TEX9: variants seen among roughly 807,000 people sequenced by gnomAD.
TEX9 encodes testis-expressed protein 9.
TEX9 carries 74 observed loss-of-function variants against 59.6 expected under a neutral mutation model. That is an observed-to-expected ratio of 1.24 (90% CI 1.03 to 1.51). TEX9 has a LOEUF of 1.51. Ranked by LOEUF, TEX9 falls within the 40% of genes most tolerant of loss-of-function variation. The pLI is 0.00. For synonymous variants in TEX9, 186 were observed against 152.2 expected, an observed-to-expected ratio of 1.22 and a Z score of -1.64; for missense variants, 522 against 447.8, an observed-to-expected ratio of 1.17 and a Z score of -1.49.
At chr15:56,341,397 T>C (rs1214600994) in intron 1 of TEX9, among the ~76,000 whole-genome samples, 5 of 152,196 alleles carry the variant, frequency 3.3e-5, no homozygotes, top group Non-Finnish European at 7.3e-5. Flanking sequence ...CTTTAACGTA[T>C]CTTGAATTAT....
intron 1 of TEX9, among the ~76,000 whole-genome samples, chr15:56,331,281 G>C (rs1027675656): frequency 3.3e-5 from 5 of 152,172 alleles, no homozygotes; most frequent in Admixed American, 6.5e-5. Flanking sequence ...ATCAGACTTA[G>C]TCTGCACTGT....
intron 1 of TEX9, among the ~76,000 whole-genome samples, chr15:56,286,830 G>T (rs1463590578): frequency 6.6e-6 from 1 of 151,994 alleles, no homozygotes; most frequent in Non-Finnish European, 1.5e-5. Context: ...TCCCCAAGTT[G>T]CATCCAAGTG....
intron 12 of TEX9, among the ~76,000 whole-genome samples, chr15:56,442,704 CAAA>C (rs1341639483): frequency 6.6e-6 from 1 of 151,990 alleles, no homozygotes; most frequent in Non-Finnish European, 1.5e-5. Flanking sequence ...CACGTGGACA[CAAA>C]GAAGGAAAAC....
chr15:56,412,015 G>A (rs1237627759), intron 9 of TEX9, among the ~76,000 whole-genome samples: 1 of 152,132 alleles, frequency 6.6e-6, no homozygotes, highest in African/African-American at 2.4e-5. Context: ...CAGGTATACT[G>A]TGTCTTGAGT....
At chr15:56,261,491 G>T (rs1049267269) in intron 1 of TEX9, among the ~76,000 whole-genome samples, 9 of 152,094 alleles carry the variant, frequency 5.9e-5, no homozygotes, top group African/African-American at 1.9e-4. Context: ...GTCAAGGCAG[G>T]TGGATCACTT....
intron 1 of TEX9, among the ~76,000 whole-genome samples, chr15:56,339,278 G>C (rs1433146620): frequency 6.7e-6 from 1 of 150,220 alleles, no homozygotes; most frequent in African/African-American, 2.5e-5. Flanking sequence ...AGCTACTCAG[G>C]AGGCTGAGGC....
At chr15:56,367,917 C>A (rs1377954162) in intron 2 of TEX9, among the ~76,000 whole-genome samples, 1 of 152,140 alleles carries the variant, frequency 6.6e-6, no homozygotes, top group Non-Finnish European at 1.5e-5. Flanking sequence ...CTTATTCATT[C>A]TGTGAATTCC....
chr15:56,303,361 A>T (rs552741793), intron 1 of TEX9, among the ~76,000 whole-genome samples: 11 of 152,184 alleles, frequency 7.2e-5, no homozygotes, highest in Non-Finnish European at 1.5e-4. Flanking sequence ...CAAGTATCTG[A>T]CCACAATAGA....
intron 2 of TEX9, chr15:56,365,948 G>T: frequency 8.2e-7 from 1 of 1,219,428 alleles, no homozygotes. Flanking sequence ...AGATACTGTT[G>T]GAAGTTATTT....
chr15:56,378,606 C>G (rs2142095227), intron 3 of TEX9, among the ~76,000 whole-genome samples: 1 of 151,834 alleles, frequency 6.6e-6, no homozygotes. Context: ...TTTGGGTCAT[C>G]TCCCTTATTT....
chr15:56,289,695 T>C (rs2045042962), intron 1 of TEX9, among the ~76,000 whole-genome samples: 1 of 152,080 alleles, frequency 6.6e-6, no homozygotes, highest in Non-Finnish European at 1.5e-5. Flanking sequence ...TCACTTGCAG[T>C]GGCAGTGGCA....
At chr15:56,251,351 G>T (rs1458887552) in intron 1 of TEX9, among the ~76,000 whole-genome samples, 1 of 152,114 alleles carries the variant, frequency 6.6e-6, no homozygotes, top group African/African-American at 2.4e-5. Flanking sequence ...TGGCTCTGTT[G>T]ATGTAAGCTT....
chr15:56,292,851 A>G (rs1229270240), intron 1 of TEX9, among the ~76,000 whole-genome samples: 2 of 152,178 alleles, frequency 1.3e-5, no homozygotes, highest in Admixed American at 6.5e-5. Flanking sequence ...AGTCATGCCA[A>G]GATCTTCCTG....
chr15:56,298,096 A>G (rs1278593168), intron 1 of TEX9, among the ~76,000 whole-genome samples: 1 of 152,224 alleles, frequency 6.6e-6, no homozygotes, highest in African/African-American at 2.4e-5. Flanking sequence ...CATGTTGATT[A>G]TGTGATCTGC....
intron 1 of TEX9, among the ~76,000 whole-genome samples, chr15:56,294,265 C>T (rs767249165): frequency 4.6e-5 from 7 of 152,228 alleles, no homozygotes; most frequent in Non-Finnish European, 5.9e-5. Context: ...ACAGAAAAGT[C>T]TGCTTGTCCA....
chr15:56,426,054 C>T, intron 10 of TEX9, among the ~76,000 whole-genome samples: 1 of 152,102 alleles, frequency 6.6e-6, no homozygotes, highest in African/African-American at 2.4e-5. Flanking sequence ...TTCCTCTGCC[C>T]ATAATTTTTT....
intron 1 of TEX9, among the ~76,000 whole-genome samples, chr15:56,304,021 G>T (rs1312216261): frequency 6.6e-6 from 1 of 152,118 alleles, no homozygotes; most frequent in Non-Finnish European, 1.5e-5. Context: ...TCCCAGCAAA[G>T]AAAAGCATGG....
At chr15:56,405,407 G>C (rs2049029486) in intron 9 of TEX9, among the ~76,000 whole-genome samples, 1 of 151,882 alleles carries the variant, frequency 6.6e-6, no homozygotes, top group Non-Finnish European at 1.5e-5. Flanking sequence ...AACTGTGTCT[G>C]ACACCAAAGT....
At chr15:56,434,375 C>A in intron 12 of TEX9, 1 of 1,611,906 alleles carries the variant, frequency 6.2e-7, no homozygotes, top group South Asian at 1.1e-5. Flanking sequence ...TTTGCTTTCT[C>A]AATTTCTTTT....
Sources: allele counts gnomAD v4.1 joint callset (sites outside exome capture counted in the v4.1 genomes callset), GRCh38; gene constraint gnomAD v4.1.1; transcripts MANE v1.5; gene names NCBI Gene and HGNC (gene_info 2026-07-23, HGNC 2026-07-21).